The following PDE7A variants were observed in gnomAD, a reference collection of about 807,000 sequenced individuals.
PDE7A encodes phosphodiesterase 7A.
A neutral mutation model predicts 64.3 loss-of-function variants in PDE7A; 39 were observed. That is an observed-to-expected ratio of 0.61 (90% confidence interval 0.47 to 0.79). The LOEUF is 0.79. PDE7A is among the 30% of genes least tolerant of loss of function. PDE7A has a pLI of 0.00. For missense variants in PDE7A, 470 were observed against 582.8 expected, an observed-to-expected ratio of 0.81 and a Z score of 1.99; for synonymous variants, 203 against 206.8, an observed-to-expected ratio of 0.98 and a Z score of 0.16.
At chr8:65,834,346 A>C (rs1810902995) in intron 1 of PDE7A, among the ~76,000 whole-genome samples, 1 of 152,180 alleles carries the variant, frequency 6.6e-6, no homozygotes, top group South Asian at 2.1e-4. Flanking sequence ...TAATACATAC[A>C]CAAAATTTGT....
chr8:65,831,111 T>C (rs1810807617), intron 1 of PDE7A, among the ~76,000 whole-genome samples: 1 of 152,090 alleles, frequency 6.6e-6, no homozygotes, highest in African/African-American at 2.4e-5. Context: ...ACTCAAGATG[T>C]GGGAGAAGGT....
chr8:65,793,197 A>G (rs1809746717), intron 1 of PDE7A, among the ~76,000 whole-genome samples: 1 of 152,174 alleles, frequency 6.6e-6, no homozygotes, highest in Non-Finnish European at 1.5e-5. Flanking sequence ...ATACTTTCCC[A>G]CCCAATTCTT....
intron 3 of PDE7A, among the ~76,000 whole-genome samples, chr8:65,776,420 T>C (rs1055776407): frequency 6.6e-6 from 1 of 152,208 alleles, no homozygotes; most frequent in African/African-American, 2.4e-5. Context: ...TTCCTAATTG[T>C]CTTGGCTATT....
chr8:65,839,549 G>C (rs992654007), intron 1 of PDE7A, among the ~76,000 whole-genome samples: 1 of 150,696 alleles, frequency 6.6e-6, no homozygotes, highest in African/African-American at 2.4e-5. Context: ...AATGTTAATA[G>C]AAAAAAAAGG....
chr8:65,740,022 G>A (rs1351693248), intron 5 of PDE7A, among the ~76,000 whole-genome samples: 1 of 152,124 alleles, frequency 6.6e-6, no homozygotes, highest in Non-Finnish European at 1.5e-5. Context: ...TTCCTTGGCT[G>A]CAGCCTTGTT....
At chr8:65,835,962 T>C (rs978763367) in intron 1 of PDE7A, among the ~76,000 whole-genome samples, 2 of 152,220 alleles carry the variant, frequency 1.3e-5, no homozygotes, top group Non-Finnish European at 2.9e-5. Context: ...AGCATGTATC[T>C]GAAATATAAA....
chr8:65,746,397 T>A (rs760046110), intron 4 of PDE7A, among the ~76,000 whole-genome samples: 2 of 152,178 alleles, frequency 1.3e-5, no homozygotes. Flanking sequence ...TTATTTGTTA[T>A]TCAGTTTTTA....
At chr8:65,791,814 A>G (rs566811847) in intron 1 of PDE7A, among the ~76,000 whole-genome samples, 1 of 152,324 alleles carries the variant, frequency 6.6e-6, no homozygotes, top group Admixed American at 6.5e-5. Flanking sequence ...CAAAAATCTC[A>G]GGCAACACAG....
At chr8:65,811,522 T>G (rs569044705) in intron 1 of PDE7A, among the ~76,000 whole-genome samples, 19 of 152,372 alleles carry the variant, frequency 1.2e-4, no homozygotes, top group East Asian at 9.6e-4. Flanking sequence ...TTAGCCTCTT[T>G]CAGCAGAGAG....
chr8:65,836,008 T>A (rs932069189), intron 1 of PDE7A, among the ~76,000 whole-genome samples: 1 of 152,130 alleles, frequency 6.6e-6, no homozygotes, highest in African/African-American at 2.4e-5. Context: ...TAAAGTATGG[T>A]AGTATTAAAT....
intron 3 of PDE7A, among the ~76,000 whole-genome samples, chr8:65,773,184 AAC>A (rs1301011896): frequency 3.9e-5 from 6 of 152,158 alleles, no homozygotes; most frequent in Non-Finnish European, 5.9e-5. Flanking sequence ...CATTTCACAA[AAC>A]ACACTAGATT....
At chr8:65,831,634 T>G (rs1810822923) in intron 1 of PDE7A, among the ~76,000 whole-genome samples, 1 of 151,620 alleles carries the variant, frequency 6.6e-6, no homozygotes. Context: ...GTACCTGTCA[T>G]GCATATATAT....
At chr8:65,745,350 C>A in intron 5 of PDE7A, 57 bp downstream of exon 5, 1 of 967,960 alleles carries the variant, frequency 1.0e-6, no homozygotes, top group Admixed American at 1.7e-5. Flanking sequence ...AGCGGCTGCA[C>A]CATCAATGCA....
chr8:65,726,037 A>G (rs1194056472), intron 9 of PDE7A, among the ~76,000 whole-genome samples: 1 of 152,230 alleles, frequency 6.6e-6, no homozygotes, highest in Non-Finnish European at 1.5e-5. Context: ...TCATTACACA[A>G]AACAGTTTTT....
At chr8:65,840,788 G>A (rs1025155983) in intron 1 of PDE7A, among the ~76,000 whole-genome samples, 1 of 152,240 alleles carries the variant, frequency 6.6e-6, no homozygotes, top group Admixed American at 6.5e-5. Flanking sequence ...ACTGATTCCT[G>A]GCTATGAACT....
At chr8:65,785,309 G>A (rs1349136724) in intron 1 of PDE7A, among the ~76,000 whole-genome samples, 1 of 152,144 alleles carries the variant, frequency 6.6e-6, no homozygotes, top group Non-Finnish European at 1.5e-5. Flanking sequence ...CTTGCAGTGT[G>A]TGTAATTATC....
chr8:65,805,363 A>G (rs1810086056), intron 1 of PDE7A, among the ~76,000 whole-genome samples: 1 of 152,230 alleles, frequency 6.6e-6, no homozygotes, highest in African/African-American at 2.4e-5. Context: ...TAAAGTGTTG[A>G]GCAGAAAACA....
chr8:65,752,563 A>T (rs1808016247), intron 3 of PDE7A, among the ~76,000 whole-genome samples: 2 of 152,236 alleles, frequency 1.3e-5, no homozygotes, highest in Admixed American at 6.5e-5. Flanking sequence ...GTATTTTTGT[A>T]TGGCCGCCCA....
chr8:65,815,879 A>T (rs989349544), intron 1 of PDE7A, among the ~76,000 whole-genome samples: 1 of 152,206 alleles, frequency 6.6e-6, no homozygotes, highest in African/African-American at 2.4e-5. Flanking sequence ...ACCTCCGACT[A>T]CATCTTAGTG....
Sources: allele counts gnomAD v4.1 joint callset (sites outside exome capture counted in the v4.1 genomes callset), GRCh38; gene constraint gnomAD v4.1.1; transcripts MANE v1.5; gene names NCBI Gene and HGNC (gene_info 2026-07-23, HGNC 2026-07-21).